EPHB1: variants seen among roughly 807,000 people sequenced by gnomAD.
EPHB1 encodes ephrin type-B receptor 1.
EPHB1 carries 30 observed loss-of-function variants against 94.4 expected under a neutral mutation model. The observed-to-expected ratio is 0.32, with a 90% confidence interval of 0.24 to 0.43. The LOEUF is 0.43. Among genes scored for constraint, EPHB1 ranks in the 20% least tolerant of loss-of-function variants. The pLI, the probability that EPHB1 is intolerant of heterozygous loss-of-function variation, is 1.00. For synonymous variants in EPHB1, 522 were observed against 489.1 expected (o/e 1.07, Z -0.89); for missense variants, 1,055 against 1,308.3 (o/e 0.81, Z 2.99).
chr3:135,191,416 T>C (rs540350515), intron 10 of EPHB1, among the ~76,000 whole-genome samples: 5 of 152,210 alleles, frequency 3.3e-5, no homozygotes, highest in African/African-American at 4.8e-5. Context: ...TAACTTGTCT[T>C]TCTAATATGG....
intron 1 of EPHB1, among the ~76,000 whole-genome samples, chr3:134,814,256 A>G (rs1658398598): frequency 6.6e-6 from 1 of 152,228 alleles, no homozygotes; most frequent in African/African-American, 2.4e-5. Context: ...TCAGGCAAGG[A>G]ATCTGTCATT....
chr3:135,034,083 C>A (rs10935153), intron 3 of EPHB1, among the ~76,000 whole-genome samples: 38,693 of 151,908 alleles, frequency 0.25, 6,415 homozygotes, highest in East Asian at 0.71. Flanking sequence ...AAGAAAAACA[C>A]GGTTAGCAAC....
intron 3 of EPHB1, among the ~76,000 whole-genome samples, chr3:135,017,313 A>C (rs1935833683): frequency 6.6e-6 from 1 of 152,190 alleles, no homozygotes; most frequent in Admixed American, 6.5e-5. Flanking sequence ...AAAGAAAACA[A>C]ACAAAAGAGA....
chr3:134,906,786 G>C lies in EPHB1; in HGVS notation c.59-19030G>C, dbSNP rs112863252. On this transcript the variant is annotated intron_variant, in intron 1 of 15. Transcript: ENST00000398015. ...GGCCCTCTTGGAGAATGTGCTCCTG[G>C]GTTGGGCTGGAGGACTTTACCTAGA... 3.2e-3 allele frequency among the ~76,000 whole-genome samples: 493 copies of C among 152,290 alleles called. 2 individuals carry two copies. The highest frequency in any genetic ancestry group is 0.01 in the African/African-American group (427 of 41,562).
intron 3 of EPHB1, among the ~76,000 whole-genome samples, chr3:134,954,431 A>G (rs2107717323): frequency 6.6e-6 from 1 of 152,292 alleles, no homozygotes; most frequent in South Asian, 2.1e-4. Flanking sequence ...CCAGATGGAC[A>G]TGGTGGCCAT....
chr3:134,979,056 T>C (rs1308727599), intron 3 of EPHB1, among the ~76,000 whole-genome samples: 1 of 152,226 alleles, frequency 6.6e-6, no homozygotes, highest in African/African-American at 2.4e-5. Context: ...CCTCATAATG[T>C]GGCTTATAAA....
At chr3:135,083,314 G>T (rs1459403189) in intron 3 of EPHB1, among the ~76,000 whole-genome samples, 1 of 152,050 alleles carries the variant, frequency 6.6e-6, no homozygotes, top group Admixed American at 6.5e-5. Context: ...GCAGCAGGGG[G>T]GAAATTAGGG....
intron 1 of EPHB1, among the ~76,000 whole-genome samples, chr3:134,903,483 C>G (rs113507557): frequency 6.6e-6 from 1 of 152,144 alleles, no homozygotes; most frequent in East Asian, 1.9e-4. Flanking sequence ...CAGTGAGCAC[C>G]GGCACTTTTA....
intron 2 of EPHB1, among the ~76,000 whole-genome samples, chr3:134,929,226 G>A (rs970058325): frequency 1.4e-4 from 21 of 152,152 alleles, no homozygotes; most frequent in African/African-American, 4.8e-4. Context: ...CAGTTTTGAC[G>A]TGACAGAGCC....
intron 3 of EPHB1, among the ~76,000 whole-genome samples, chr3:135,091,182 C>T (rs981876145): frequency 3.9e-5 from 6 of 152,194 alleles, no homozygotes; most frequent in African/African-American, 1.4e-4. Flanking sequence ...GTGGGACCAA[C>T]TACAAAGCTG....
rs547548669 is a variant in EPHB1, at chr3:135,023,634, G to T, written c.805+71582G>T. 3.3e-5 allele frequency among the ~76,000 whole-genome samples: 5 copies of T among 152,230 alleles called. No homozygotes were observed. The South Asian group carries it at 6.2e-4, about 19-fold the overall frequency. On this transcript the variant is annotated intron_variant, in intron 3 of 15. Coordinates refer to ENST00000398015, the MANE Select transcript of EPHB1 (RefSeq NM_004441.5). ...TTTATTTCAAGTTTGCTCTGTTTCAGGCAAAAATCCATTTGTGTGCCTCAG... is the reference window on the plus strand; with the variant it reads ...TTTATTTCAAGTTTGCTCTGTTTCATGCAAAAATCCATTTGTGTGCCTCAG...
chr3:135,086,779 C>G (rs544758514), intron 3 of EPHB1, among the ~76,000 whole-genome samples: 1 of 152,134 alleles, frequency 6.6e-6, no homozygotes, highest in Admixed American at 6.5e-5. Context: ...TTGGTTCTTC[C>G]ACTGAGTTTT....
chr3:134,868,526 G>A (rs1368371150), intron 1 of EPHB1, among the ~76,000 whole-genome samples: 1 of 152,186 alleles, frequency 6.6e-6, no homozygotes, highest in Non-Finnish European at 1.5e-5. Context: ...GCCAGGGGAG[G>A]GGGTGATCTT....
At chr3:134,913,674 C>A (rs1410794350) in intron 1 of EPHB1, among the ~76,000 whole-genome samples, 1 of 152,114 alleles carries the variant, frequency 6.6e-6, no homozygotes, top group African/African-American at 2.4e-5. Flanking sequence ...ATCAAGGGGT[C>A]GAGGGCAGGG....
At chr3:134,939,718 G>A (rs2039078767) in intron 2 of EPHB1, among the ~76,000 whole-genome samples, 2 of 152,296 alleles carry the variant, frequency 1.3e-5, no homozygotes, top group East Asian at 3.9e-4. Context: ...AGCATCTGCT[G>A]CCCTGAAGAA....
At chr3:135,036,381 C>G (rs1038166760) in intron 3 of EPHB1, among the ~76,000 whole-genome samples, 23 of 152,300 alleles carry the variant, frequency 1.5e-4, no homozygotes, top group African/African-American at 5.5e-4. Flanking sequence ...CCCATCCAAA[C>G]CGGTCAGGAT....
intron 1 of EPHB1, among the ~76,000 whole-genome samples, chr3:134,815,313 G>A (rs1420770034): frequency 6.6e-6 from 1 of 152,054 alleles, no homozygotes; most frequent in Non-Finnish European, 1.5e-5. Flanking sequence ...AGGAGTAAAT[G>A]GCCATGATGT....
chr3:135,209,786 A>G (rs1559875933), intron 12 of EPHB1, among the ~76,000 whole-genome samples: 1 of 151,902 alleles, frequency 6.6e-6, no homozygotes, highest in Admixed American at 6.6e-5. Context: ...AAAATAAAAT[A>G]TATATATTTT....
At chr3:134,950,692 G>A (rs1019386342) in intron 2 of EPHB1, among the ~76,000 whole-genome samples, 3 of 152,044 alleles carry the variant, frequency 2.0e-5, no homozygotes, top group Non-Finnish European at 2.9e-5. Context: ...GTGCTAAACC[G>A]TTCATGAAGG....
Sources: allele counts gnomAD v4.1 joint callset (sites outside exome capture counted in the v4.1 genomes callset), GRCh38; gene constraint gnomAD v4.1.1; transcripts MANE v1.5; gene names NCBI Gene and HGNC (gene_info 2026-07-23, HGNC 2026-07-21).